Variants in TAS2R1 observed in about 807,000 individuals in gnomAD.
TAS2R1 encodes taste receptor type 2 member 1.
For missense variants in TAS2R1, 370 were observed against 353.4 expected, an observed-to-expected ratio of 1.05 and a Z score of -0.38; for synonymous variants, 141 against 134.2, an observed-to-expected ratio of 1.05 and a Z score of -0.35.
At chr5:9,671,406 C>T (rs1021169535) in intron 1 of TAS2R1, among the ~76,000 whole-genome samples, 2 of 151,946 alleles carry the variant, frequency 1.3e-5, no homozygotes, top group East Asian at 1.9e-4. Context: ...AGTCCCTGAC[C>T]GAAGCTTCTA....
chr5:9,700,478 A>C (rs1272483334), intron 1 of TAS2R1, among the ~76,000 whole-genome samples: 2 of 151,858 alleles, frequency 1.3e-5, no homozygotes, highest in African/African-American at 2.4e-5. Flanking sequence ...CCACCCATGC[A>C]CCCCATTTTC....
intron 1 of TAS2R1, among the ~76,000 whole-genome samples, chr5:9,689,741 G>GT (rs1479993040): frequency 6.6e-6 from 1 of 151,742 alleles, no homozygotes; most frequent in Admixed American, 6.6e-5. Context: ...AATATTAAAC[G>GT]TTTTTTCTAG....
At chr5:9,775,460 A>C in the TAS2R1 span, among the ~76,000 whole-genome samples, 1 of 151,860 alleles carries the variant, frequency 6.6e-6, no homozygotes, top group Non-Finnish European at 1.5e-5. Flanking sequence ...GGTGCAAGAC[A>C]ATGTCTCCAT....
At chr5:9,687,690 C>A (rs955734085) in intron 1 of TAS2R1, among the ~76,000 whole-genome samples, 19 of 152,222 alleles carry the variant, frequency 1.2e-4, no homozygotes, top group African/African-American at 4.3e-4. Context: ...CAAACCTGGA[C>A]AGACTTTTGT....
In TAS2R1 at chr5:9,711,838, A is replaced by ATTTTT. The variant is rs34825763; in HGVS notation, c.-242+329_-242+333dup. On this transcript the variant is annotated intron_variant, in intron 1 of 2. Coordinates refer to the TAS2R1 transcript ENST00000506620. ...CTACCACACCTGGCTAATTTTTTGT[A>ATTTTT]TTTTTTTAGTAGAGTTGGGGTTTCG... 2.0e-3 allele frequency among the ~76,000 whole-genome samples: 304 copies of ATTTTT among 150,958 alleles called. 1 individual carries two copies. The highest frequency in any genetic ancestry group is 6.8e-3 in the Middle Eastern group (2 of 294).
At chr5:9,831,987 C>T in the TAS2R1 span, among the ~76,000 whole-genome samples, 341 of 152,296 alleles carry the variant, frequency 2.2e-3, 3 homozygotes, top group Non-Finnish European at 1.3e-3. Context: ...AGAGGAATGA[C>T]GTGCGCTTCA....
At chr5:9,748,362 G>T in the TAS2R1 span, among the ~76,000 whole-genome samples, 2 of 152,256 alleles carry the variant, frequency 1.3e-5, no homozygotes, top group South Asian at 4.1e-4. Flanking sequence ...AATTTAAAAA[G>T]AGGTTGCAAT....
the TAS2R1 span, among the ~76,000 whole-genome samples, chr5:9,750,167 G>C: frequency 6.6e-6 from 1 of 152,200 alleles, no homozygotes; most frequent in South Asian, 2.1e-4. Flanking sequence ...TGAAATCACA[G>C]TGGCCTGGCT....
chr5:9,721,287 A>G, the TAS2R1 span, among the ~76,000 whole-genome samples: 1 of 152,182 alleles, frequency 6.6e-6, no homozygotes, highest in African/African-American at 2.4e-5. Flanking sequence ...TGGTATATGA[A>G]AGTACATTCT....
chr5:9,699,355 C>T (rs1176031401), intron 1 of TAS2R1, among the ~76,000 whole-genome samples: 1 of 152,212 alleles, frequency 6.6e-6, no homozygotes, highest in Non-Finnish European at 1.5e-5. Flanking sequence ...CTTTCATGCT[C>T]CCATTAATAT....
intron 1 of TAS2R1, among the ~76,000 whole-genome samples, chr5:9,705,459 A>G (rs1159668295): frequency 6.6e-6 from 1 of 152,190 alleles, no homozygotes; most frequent in Non-Finnish European, 1.5e-5. Flanking sequence ...GATTGACTGT[A>G]TCAATTCTAA....
chr5:9,880,606 G>A, the TAS2R1 span, among the ~76,000 whole-genome samples: 1 of 151,484 alleles, frequency 6.6e-6, no homozygotes, highest in Non-Finnish European at 1.5e-5. Flanking sequence ...TAGATGACAA[G>A]AGCACCACCA....
the TAS2R1 span, among the ~76,000 whole-genome samples, chr5:9,848,576 A>G: frequency 6.6e-6 from 1 of 152,206 alleles, no homozygotes; most frequent in Non-Finnish European, 1.5e-5. Context: ...AAAATCACTA[A>G]GAGAGTAGAT....
rs372643106 is a variant in TAS2R1, at chr5:9,659,243, C to T, written c.-81+178G>A. Among the ~76,000 whole-genome samples the T allele has an allele frequency of 2.5e-3, 386 of 152,216 alleles. 1 individual carries two copies. The highest frequency in any genetic ancestry group is 3.4e-3 in the Non-Finnish European group (231 of 68,000). On this transcript the variant is annotated intron_variant, in intron 2 of 2. Transcript: ENST00000506620. ...GAGCACAGGGACCCCATGAACTACTCCCCCATGGGAATGAGTAGTATCCCT... is the reference window on the plus strand; with the variant it reads ...GAGCACAGGGACCCCATGAACTACTTCCCCATGGGAATGAGTAGTATCCCT...
At chr5:9,750,042 T>TGAGCTA in the TAS2R1 span, among the ~76,000 whole-genome samples, 1 of 152,186 alleles carries the variant, frequency 6.6e-6, no homozygotes, top group Non-Finnish European at 1.5e-5. Flanking sequence ...AATGCATAAA[T>TGAGCTA]GAGCTATCTT....
chr5:9,778,431 C>T, the TAS2R1 span, among the ~76,000 whole-genome samples: 1 of 152,154 alleles, frequency 6.6e-6, no homozygotes, highest in Non-Finnish European at 1.5e-5. Context: ...TGCATTAGCC[C>T]CTAACAAGAT....
At chr5:9,850,712 A>G in the TAS2R1 span, among the ~76,000 whole-genome samples, 6 of 152,120 alleles carry the variant, frequency 3.9e-5, no homozygotes, top group East Asian at 9.6e-4. Flanking sequence ...TACCACCCAA[A>G]CAGATGGGCA....
the TAS2R1 span, among the ~76,000 whole-genome samples, chr5:9,817,284 A>G: frequency 6.6e-6 from 1 of 152,166 alleles, no homozygotes; most frequent in Non-Finnish European, 1.5e-5. Context: ...ATGAGATTAG[A>G]TTTTATTTTC....
the TAS2R1 span, among the ~76,000 whole-genome samples, chr5:9,869,134 C>T: frequency 6.6e-6 from 1 of 152,198 alleles, no homozygotes; most frequent in African/African-American, 2.4e-5. Flanking sequence ...CAACCTCTGC[C>T]TGTTACCCAG....
Sources: allele counts gnomAD v4.1 joint callset (sites outside exome capture counted in the v4.1 genomes callset), GRCh38; gene constraint gnomAD v4.1.1; transcripts MANE v1.5; gene names NCBI Gene and HGNC (gene_info 2026-07-23, HGNC 2026-07-21).